PRTN3: variants seen among roughly 807,000 people sequenced by gnomAD.
PRTN3 encodes proteinase 3.
Under a neutral mutation model 20.7 loss-of-function variants are expected in PRTN3, and 22 were observed. The ratio of observed to expected loss-of-function variants is 1.06; its 90% CI spans 0.76 to 1.52. The LOEUF (loss-of-function observed/expected upper bound fraction) is 1.52, where lower values mean the gene tolerates loss of function less well. Among genes scored for constraint, PRTN3 ranks in the 40% most tolerant of loss-of-function variants. PRTN3 has a pLI of 0.00. For synonymous variants in PRTN3, 173 were observed against 152.9 expected (o/e 1.13, Z -0.97); for missense variants, 378 against 359.6 (o/e 1.05, Z -0.41).
chr19:847,998 C>T lies in PRTN3; in HGVS notation c.*29C>T, dbSNP rs1220525024. ...GCCCCTCCCACAGCGCTGGCCGGGA[C>T]CCCGAGCCTGGCTCCAAACCCTCGA... On this transcript the variant is annotated 3_prime_UTR_variant, in exon 5 of 5. Transcript: ENST00000234347. 2 of 1,574,268 alleles carry T rather than the reference C, an allele frequency of 1.3e-6. No individual in the cohort carries two copies. The highest frequency in any genetic ancestry group is 1.8e-5 in the Admixed American group (1 of 55,704).
chr19:844,127 G>T, intron 3 of PRTN3, 93 bp downstream of exon 3: 1 of 1,461,928 alleles, frequency 6.8e-7, no homozygotes, highest in Non-Finnish European at 9.1e-7. Flanking sequence ...AGCACCCACT[G>T]TATACCGGGC....
chr19:843,835 G>A (rs1475422056), intron 2 of PRTN3, 58 bp from the exon 3 acceptor site: 3 of 1,523,156 alleles, frequency 2.0e-6, no homozygotes, highest in Admixed American at 2.2e-5. Context: ...GGGAAGGGCC[G>A]GCTGTGGGCG....
chr19:847,181 C>T lies in PRTN3; in HGVS notation c.601-618C>T, dbSNP rs537861765. On this transcript the variant is annotated intron_variant, in intron 4 of 4. Coordinates refer to ENST00000234347, the MANE Select transcript of PRTN3 (RefSeq NM_002777.4). ...ATTAGCTGGGCATGGTGATGTGAGC[C>T]TGTAGGCCCAGCTACTCAGGAGGCT... 1.2e-4 allele frequency among the ~76,000 whole-genome samples: 18 copies of T among 152,260 alleles called. No homozygotes were observed. In the East Asian group the frequency reaches 2.5e-3, roughly 21 times the overall value.
chr19:841,221 G>A lies in PRTN3; in HGVS notation c.61+152G>A, dbSNP rs1180555787. On this transcript the variant is annotated intron_variant, in intron 1 of 4. Transcript: ENST00000234347. ...ACTCCACTCACTGCTCGGGACCAAC[G>A]CTTGCAGGGGTGGGGAGGACAAGGG... 4 of 1,076,318 alleles carry A rather than the reference G, an allele frequency of 3.7e-6. No homozygotes were observed. In the South Asian group the frequency reaches 4.6e-5, roughly 12 times the overall value. The allele number at this position is 1,076,318 out of a possible 1,614,324, so 66.7% of individuals were successfully genotyped here.
At chr19:843,854 T>G in intron 2 of PRTN3, 39 bp from the exon 3 acceptor site, 1 of 1,545,248 alleles carries the variant, frequency 6.5e-7, no homozygotes, top group Admixed American at 2.1e-5. Flanking sequence ...CGGCGGCGAG[T>G]GTCCAGGGCG....
Position 843,469 on chromosome 19 carries a change from C to CGAGCTGCG in PRTN3, c.74_81dup (p.Ile28LeufsTer36). ...GGACTCCCCCCCTGCAGGTGCTGCC[C>CGAGCTGCG]GAGCTGCGGAGATCGTGGGCGGGCA... On this transcript the variant is annotated frameshift_variant, in exon 2 of 5. Coordinates refer to ENST00000234347, the MANE Select transcript of PRTN3 (RefSeq NM_002777.4). LOFTEE classifies it high-confidence loss of function. The CGAGCTGCG allele has an allele frequency of 6.4e-7, 1 of 1,567,036 alleles. No homozygotes were observed. Among genetic ancestry groups the CGAGCTGCG allele is most frequent in the Non-Finnish European group, 8.6e-7 (1 of 1,161,140 alleles).
intron 3 of PRTN3, among the ~76,000 whole-genome samples, chr19:845,889 C>T (rs1459731948): frequency 6.6e-6 from 1 of 151,928 alleles, no homozygotes; most frequent in African/African-American, 2.4e-5. Context: ...CGGGAGGTTC[C>T]AGTGAGCCGA....
chr19:843,643 A>C lies in PRTN3; in HGVS notation c.227+17A>C. ...GCGGGACATGTGAGCGGCCGCCTCC[A>C]CACCCCTGTCCGCCCGCCCCGCCCT... On this transcript the variant is annotated intron_variant, in intron 2 of 4. Coordinates refer to ENST00000234347, the MANE Select transcript of PRTN3 (RefSeq NM_002777.4). The C allele has an allele frequency of 2.6e-6, 4 of 1,528,624 alleles. No homozygotes were observed. The highest frequency in any genetic ancestry group is 3.5e-6 in the Non-Finnish European group (4 of 1,143,478). The allele number at this position is 1,528,624 out of a possible 1,614,324, so 94.7% of individuals were successfully genotyped here. A position where few individuals can be genotyped will look rare whatever the true frequency, so the allele number is the denominator to read the frequency against.
At position 847,968 on chromosome 19, in the gene PRTN3, G is replaced by T. The variant is rs754796750; in HGVS notation, c.770G>T (p.Ter257LeuextTer?). 3.1e-6 allele frequency: 5 copies of T among 1,597,588 alleles called. No individual in the cohort carries two copies. Among genetic ancestry groups the T allele is most frequent in the Non-Finnish European group, 4.3e-6 (5 of 1,172,738 alleles). Residue 257 changes from the stop codon to leucine, a stop_lost, in exon 5 of 5, where the codon TGA (stop) becomes TTA (leucine). Transcript: ENST00000234347. Reference sequence around the variant, plus strand: ...CGTGTGGAGGCCAAGGGCCGCCCCTGAACCGCCCCTCCCACAGCGCTGGCC... The same window carrying T: ...CGTGTGGAGGCCAAGGGCCGCCCCTTAACCGCCCCTCCCACAGCGCTGGCC... ...LRRVEAKGRP* is the reference protein window; with the variant it reads ...LRRVEAKGRPL
chr19:846,076 G>T lies in PRTN3; in HGVS notation c.370-71G>T, dbSNP rs1272144264. Reference sequence around the variant, plus strand: ...TGAGGTGGTGGGTGTGGTGGGTGTGGTGGGAGGGCGGCCCGGGCGGCCACC... The same window carrying T: ...TGAGGTGGTGGGTGTGGTGGGTGTGTTGGGAGGGCGGCCCGGGCGGCCACC... On this transcript the variant is annotated intron_variant, in intron 3 of 4. Transcript: ENST00000234347. The T allele has an allele frequency of 2.9e-5, 36 of 1,222,766 alleles. No individual in the cohort carries two copies. In the South Asian group the frequency reaches 5.6e-4, roughly 19 times the overall value. 75.7% of individuals were successfully genotyped at this position (1,222,766 alleles called of 1,614,324 possible).
At position 847,928 on chromosome 19, in the gene PRTN3, C is replaced by A; in HGVS notation, c.730C>A (p.Arg244Ser). 6.2e-7 allele frequency: 1 copy of A among 1,607,090 alleles called. No individual in the cohort carries two copies. Among genetic ancestry groups the A allele is most frequent in the Non-Finnish European group, 8.5e-7 (1 of 1,176,820 alleles). ...GGTAGCCCTCTACGTGGACTGGATC[C>A]GTTCCACGCTGCGCCGTGTGGAGGC... Reference protein sequence around the residue: ...TRVALYVDWIRSTLRRVEAKG... With the variant: ...TRVALYVDWISSTLRRVEAKG... Residue 244 changes from arginine to serine, a missense_variant, in exon 5 of 5, where the codon CGT (arginine) becomes AGT (serine). By Grantham distance (110) the Arg-to-Ser change is moderately radical (BLOSUM62 -1). Transcript: ENST00000234347.
chr19:841,204 C>A (rs2035433695), intron 1 of PRTN3, 135 bp downstream of exon 1: 2 of 1,206,470 alleles, frequency 1.7e-6, no homozygotes, highest in Admixed American at 2.1e-5. Flanking sequence ...AGACTCCACT[C>A]ACTGCTCGGG....
chr19:843,896 C>T lies in PRTN3; in HGVS notation c.231C>T (p.Pro77=). Residue 77 remains proline, a synonymous_variant, in exon 3 of 5, where the codon CCC becomes CCT. Coordinates refer to ENST00000234347, the MANE Select transcript of PRTN3 (RefSeq NM_002777.4). The part of the protein sequence containing the change: ...LTAAHCLRDI[P]QRLVNVVLGA... ...AGTGACCACCCCACCCCCGCAGACC[C>T]CAGCGCCTGGTGAACGTGGTGCTCG... 6.3e-7 allele frequency: 1 copy of T among 1,590,588 alleles called. No homozygotes were observed. The highest frequency in any genetic ancestry group is 1.1e-5 in the South Asian group (1 of 87,212).
rs751991079 is a variant in PRTN3 at position 848,009 on chromosome 19, G to C, written c.*40G>C. The C allele has an allele frequency of 6.4e-7, 1 of 1,563,534 alleles. No homozygotes were observed. Among genetic ancestry groups the C allele is most frequent in the Non-Finnish European group, 8.6e-7 (1 of 1,156,266 alleles). On this transcript the variant is annotated 3_prime_UTR_variant, in exon 5 of 5. Transcript: ENST00000234347. ...AGCGCTGGCCGGGACCCCGAGCCTG[G>C]CTCCAAACCCTCGAGGCGGATCTTT...
chr19:843,809 G>A, intron 2 of PRTN3, 84 bp from the exon 3 acceptor site: 2 of 1,493,784 alleles, frequency 1.3e-6, no homozygotes, highest in Non-Finnish European at 1.8e-6. Flanking sequence ...GGGGTCTGGG[G>A]CTGCACCGCG....
Position 848,113 on chromosome 19 carries a change from C to G in PRTN3, c.*144C>G. ...TCCCCCCACACTCCCTCCCACGGGGCTCCGGGAGACAGGCCGGCCCTGCAC... is the reference window on the plus strand; with the variant it reads ...TCCCCCCACACTCCCTCCCACGGGGGTCCGGGAGACAGGCCGGCCCTGCAC... On this transcript the variant is annotated 3_prime_UTR_variant, in exon 5 of 5. Coordinates refer to ENST00000234347, the MANE Select transcript of PRTN3 (RefSeq NM_002777.4). The G allele has an allele frequency of 9.5e-7, 1 of 1,050,668 alleles. No homozygotes were observed. The highest frequency in any genetic ancestry group is 1.3e-6 in the Non-Finnish European group (1 of 746,026). 65.1% of individuals were successfully genotyped at this position (1,050,668 alleles called of 1,614,324 possible).
At chr19:847,405 C>G (rs2035529955) in intron 4 of PRTN3, among the ~76,000 whole-genome samples, 3 of 151,424 alleles carry the variant, frequency 2.0e-5, no homozygotes, top group Admixed American at 1.3e-4. Flanking sequence ...GCACTGCACT[C>G]CAGCCTGGGT....
Position 843,443 on chromosome 19 carries a change from T to A in PRTN3, c.62-18T>A. The A allele has an allele frequency of 1.3e-6, 2 of 1,540,426 alleles. No individual in the cohort carries two copies. Among genetic ancestry groups the A allele is most frequent in the Non-Finnish European group, 1.7e-6 (2 of 1,147,912 alleles). ...TGCAGCCTGGGGGCTCCCTGACGCC[T>A]GGACTCCCCCCCTGCAGGTGCTGCC... is the stretch of plus-strand genomic sequence containing the variant. On this transcript the variant is annotated intron_variant, in intron 1 of 4. Coordinates refer to ENST00000234347, the MANE Select transcript of PRTN3 (RefSeq NM_002777.4).
At chr19:847,424 G>C (rs560722823) in intron 4 of PRTN3, among the ~76,000 whole-genome samples, 1 of 151,526 alleles carries the variant, frequency 6.6e-6, no homozygotes, top group South Asian at 2.1e-4. Context: ...GTGACAGAGC[G>C]AGACTCTGTC....
Sources: allele counts gnomAD v4.1 joint callset (sites outside exome capture counted in the v4.1 genomes callset), GRCh38; gene constraint gnomAD v4.1.1; transcripts MANE v1.5; gene names NCBI Gene and HGNC (gene_info 2026-07-23, HGNC 2026-07-21).